FSTL5: variants seen among roughly 807,000 people sequenced by gnomAD.
FSTL5 encodes follistatin-related protein 5.
A neutral mutation model predicts 89.1 loss-of-function variants in FSTL5; 62 were observed. The observed-to-expected ratio is 0.70, with a 90% CI of 0.57 to 0.86. The LOEUF is 0.86. Among genes scored for constraint, FSTL5 ranks in the 40% least tolerant of loss-of-function variants. The pLI, the probability that FSTL5 is intolerant of heterozygous loss-of-function variation, is 0.00. For synonymous variants in FSTL5, 383 were observed against 346.2 expected (o/e 1.11, Z -1.18); for missense variants, 1,057 against 1,001.6 (o/e 1.06, Z -0.75).
chr4:161,621,653 A>G (rs1239639477), intron 7 of FSTL5, among the ~76,000 whole-genome samples: 3 of 152,034 alleles, frequency 2.0e-5, no homozygotes, highest in African/African-American at 7.2e-5. Context: ...CTCCCCTAAG[A>G]TTCATAAAGG....
intron 3 of FSTL5, among the ~76,000 whole-genome samples, chr4:162,025,809 G>A (rs897430686): frequency 1.4e-4 from 21 of 151,372 alleles, no homozygotes; most frequent in East Asian, 3.9e-4. Flanking sequence ...AAAAAAATCC[G>A]TCTATCTACT....
At chr4:162,153,472 G>A (rs1371135657) in intron 1 of FSTL5, among the ~76,000 whole-genome samples, 2 of 150,630 alleles carry the variant, frequency 1.3e-5, no homozygotes, top group African/African-American at 2.4e-5. Context: ...CTACAGAGAG[G>A]GTAGGGCAGG....
At chr4:161,689,569 G>A (rs1737860813) in intron 6 of FSTL5, among the ~76,000 whole-genome samples, 1 of 151,980 alleles carries the variant, frequency 6.6e-6, no homozygotes, top group Non-Finnish European at 1.5e-5. Flanking sequence ...ATGGCTATTA[G>A]AAAATCAAAA....
At chr4:162,061,307 G>A (rs1231761541) in intron 2 of FSTL5, among the ~76,000 whole-genome samples, 1 of 151,988 alleles carries the variant, frequency 6.6e-6, no homozygotes, top group Non-Finnish European at 1.5e-5. Context: ...GAAGACAAAG[G>A]GAATGCTGAA....
intron 7 of FSTL5, among the ~76,000 whole-genome samples, chr4:161,590,748 T>C (rs1207496509): frequency 6.6e-6 from 1 of 152,136 alleles, no homozygotes; most frequent in African/African-American, 2.4e-5. Context: ...CAATTGCAAG[T>C]GTTGGAGAGG....
chr4:161,386,666 G>A (rs1730660711), intron 15 of FSTL5: 1 of 508,312 alleles, frequency 2.0e-6, no homozygotes, highest in Non-Finnish European at 3.5e-6. Flanking sequence ...CATAACTCAT[G>A]CTGTAGAAAG....
intron 6 of FSTL5, among the ~76,000 whole-genome samples, chr4:161,740,219 C>G (rs568415686): frequency 7.2e-5 from 11 of 151,982 alleles, no homozygotes; most frequent in Middle Eastern, 3.4e-3. Context: ...GGGGTTTCAC[C>G]ATGTTGGCCA....
In FSTL5 at chr4:161,391,022, G is replaced by A. The variant is rs1006418998; in HGVS notation, c.1842-4573C>T. Among the ~76,000 whole-genome samples, 5 of 152,244 alleles carry A rather than the reference G, an allele frequency of 3.3e-5. No homozygotes were observed. In the East Asian group the frequency reaches 7.7e-4, roughly 24 times the overall value. On this transcript the variant is annotated intron_variant, in intron 15 of 15. Coordinates refer to ENST00000306100, the MANE Select transcript of FSTL5 (RefSeq NM_020116.5). ...AGCCTTCGCACGCGCATTAATTGTT[G>A]CAAATGAAAAGTAGTGAGGGGTGAT...
At chr4:161,656,991 C>G (rs1028189138) in intron 6 of FSTL5, among the ~76,000 whole-genome samples, 3 of 152,114 alleles carry the variant, frequency 2.0e-5, no homozygotes, top group Non-Finnish European at 4.4e-5. Context: ...ATCTGAAGTT[C>G]GCTGACCAAA....
At chr4:161,392,699 C>T (rs1261043411) in intron 15 of FSTL5, among the ~76,000 whole-genome samples, 1 of 152,042 alleles carries the variant, frequency 6.6e-6, no homozygotes, top group Non-Finnish European at 1.5e-5. Context: ...ACCTGAAAAT[C>T]TGAAAAGAGT....
rs960443118 is a variant in FSTL5 at position 161,450,031 on chromosome 4, T to C, written c.1841+4973A>G. 5.3e-5 allele frequency among the ~76,000 whole-genome samples: 8 copies of C among 152,310 alleles called. No homozygotes were observed. In the East Asian group the frequency reaches 7.7e-4, roughly 15 times the overall value. Reference sequence around the variant, plus strand: ...TTACATTTCCCTGCTCTGCACCACGTTGGTCTCCGTGTAGTTCTCACTTTC... The same window carrying C: ...TTACATTTCCCTGCTCTGCACCACGCTGGTCTCCGTGTAGTTCTCACTTTC... On this transcript the variant is annotated intron_variant, in intron 15 of 15. Coordinates refer to ENST00000306100, the MANE Select transcript of FSTL5 (RefSeq NM_020116.5).
At chr4:161,641,663 T>C (rs1288109881) in intron 7 of FSTL5, among the ~76,000 whole-genome samples, 1 of 152,102 alleles carries the variant, frequency 6.6e-6, no homozygotes, top group African/African-American at 2.4e-5. Context: ...AGATAATTTT[T>C]GTATTTTTAG....
intron 15 of FSTL5, among the ~76,000 whole-genome samples, chr4:161,447,047 C>T (rs1732968813): frequency 6.6e-6 from 1 of 151,986 alleles, no homozygotes; most frequent in Non-Finnish European, 1.5e-5. Flanking sequence ...ATGGACAATC[C>T]TGTTTTACTG....
chr4:161,792,971 G>A (rs1367057846), intron 4 of FSTL5, among the ~76,000 whole-genome samples: 1 of 152,212 alleles, frequency 6.6e-6, no homozygotes, highest in Non-Finnish European at 1.5e-5. Context: ...CCAGACCTAG[G>A]GGCTCCCCAA....
At chr4:162,032,303 T>C (rs1360516492) in intron 3 of FSTL5, among the ~76,000 whole-genome samples, 1 of 152,174 alleles carries the variant, frequency 6.6e-6, no homozygotes, top group Non-Finnish European at 1.5e-5. Context: ...TTTAAATGCA[T>C]ATATCATTCA....
chr4:161,443,616 T>A (rs1235441414), intron 15 of FSTL5, among the ~76,000 whole-genome samples: 1 of 151,928 alleles, frequency 6.6e-6, no homozygotes, highest in Admixed American at 6.6e-5. Context: ...ATTGAATAAA[T>A]GAAGTATGTT....
At chr4:162,026,789 T>C (rs1737312155) in intron 3 of FSTL5, among the ~76,000 whole-genome samples, 1 of 152,122 alleles carries the variant, frequency 6.6e-6, no homozygotes, top group African/African-American at 2.4e-5. Context: ...CAATGCAGAT[T>C]TCAACAAATT....
At chr4:161,960,351 T>A (rs1180854418) in intron 3 of FSTL5, among the ~76,000 whole-genome samples, 1 of 151,480 alleles carries the variant, frequency 6.6e-6, no homozygotes, top group Non-Finnish European at 1.5e-5. Flanking sequence ...TTTAAATATA[T>A]TTTTAGTAGA....
intron 7 of FSTL5, among the ~76,000 whole-genome samples, chr4:161,646,873 G>A (rs1002707416): frequency 2.0e-5 from 3 of 152,060 alleles, no homozygotes; most frequent in Non-Finnish European, 4.4e-5. Flanking sequence ...TTGCAATTGA[G>A]TTGTATGAGT....
Sources: allele counts gnomAD v4.1 joint callset (sites outside exome capture counted in the v4.1 genomes callset), GRCh38; gene constraint gnomAD v4.1.1; transcripts MANE v1.5; gene names NCBI Gene and HGNC (gene_info 2026-07-23, HGNC 2026-07-21).